The following RPTOR variants were observed in gnomAD, a reference collection of about 807,000 sequenced individuals.
RPTOR encodes the protein regulatory associated protein of MTOR complex 1.
Under a neutral mutation model 169.9 loss-of-function variants are expected in RPTOR, and 21 were observed. That is an observed-to-expected ratio of 0.12 (90% CI 0.09 to 0.18). The LOEUF (loss-of-function observed/expected upper bound fraction) is 0.18, where lower values mean the gene tolerates loss of function less well. RPTOR is among the 10% of genes least tolerant of loss of function. The pLI, the probability that RPTOR is intolerant of heterozygous loss-of-function variation, is 1.00. For missense variants in RPTOR, 1,133 were observed against 1,855.9 expected, an observed-to-expected ratio of 0.61 and a Z score of 7.16; for synonymous variants, 732 against 753.2, an observed-to-expected ratio of 0.97 and a Z score of 0.46.
At chr17:80,912,267 G>T (rs2068622302) in intron 21 of RPTOR, among the ~76,000 whole-genome samples, 1 of 152,138 alleles carries the variant, frequency 6.6e-6, no homozygotes, top group African/African-American at 2.4e-5. Context: ...TCTCTTGGAG[G>T]CACAGGATGG....
intron 6 of RPTOR, among the ~76,000 whole-genome samples, chr17:80,770,553 C>T (rs2066832602): frequency 6.6e-6 from 1 of 152,130 alleles, no homozygotes; most frequent in Non-Finnish European, 1.5e-5. Flanking sequence ...GATGGACATG[C>T]AGGTTCAGGA....
chr17:80,707,619 C>G lies in RPTOR; in HGVS notation c.349-222C>G, dbSNP rs894666628. 6.6e-6 allele frequency among the ~76,000 whole-genome samples: 1 copy of G among 151,894 alleles called. No individual in the cohort carries two copies. The highest frequency in any genetic ancestry group is 2.1e-4 in the South Asian group (1 of 4,804). On this transcript the variant is annotated intron_variant, in intron 3 of 33. Coordinates refer to ENST00000306801, the MANE Select transcript of RPTOR (RefSeq NM_020761.3). The surrounding 1 kb of genome is among the most constrained non-coding windows in gnomAD (Gnocchi z 5.0). ...GCTGCCCAGGCTGATCTTGAGCTCC[C>G]GGGCTCAACCAGTTCTCCCACCTTG...
At chr17:80,687,675 T>C (rs35459747) in intron 3 of RPTOR, among the ~76,000 whole-genome samples, 26,743 of 152,128 alleles carry the variant, frequency 0.18, 3,756 homozygotes, top group African/African-American at 0.39. Flanking sequence ...ACGGAATGGT[T>C]GTCATCGGCT....
At chr17:80,654,091 AG>A (rs1230393097) in intron 3 of RPTOR, among the ~76,000 whole-genome samples, 2 of 152,232 alleles carry the variant, frequency 1.3e-5, no homozygotes, top group African/African-American at 4.8e-5. Flanking sequence ...TGCCAGGCTC[AG>A]GTGGTGCCGT....
At chr17:80,555,309 A>C (rs112715274) in intron 1 of RPTOR, among the ~76,000 whole-genome samples, 2,521 of 152,250 alleles carry the variant, frequency 0.017, 83 homozygotes, top group African/African-American at 0.058. Context: ...GTTTGTGAAG[A>C]GCCTGTGTGA....
rs1170248571 is a variant in RPTOR at position 80,726,713 on chromosome 17, G to T, written c.508-3847G>T. 6.6e-6 allele frequency among the ~76,000 whole-genome samples: 1 copy of T among 152,114 alleles called. No homozygotes were observed. Among genetic ancestry groups the T allele is most frequent in the African/African-American group, 2.4e-5 (1 of 41,412 alleles). ...TAGGGTCAGGTGGCTGTAGGGTCAG[G>T]GCTGGGCAAGTTGTATTCAGATGCT... On this transcript the variant is annotated intron_variant, in intron 4 of 33. Coordinates refer to ENST00000306801, the MANE Select transcript of RPTOR (RefSeq NM_020761.3). This position sits in a 1 kb window ranked among gnomAD's most constrained non-coding sequence, Gnocchi z 4.5.
chr17:80,729,732 C>T (rs1417158500), intron 4 of RPTOR, among the ~76,000 whole-genome samples: 1 of 152,204 alleles, frequency 6.6e-6, no homozygotes, highest in African/African-American at 2.4e-5. Flanking sequence ...TTAGAGCTCC[C>T]CTCCCTTGTA....
At chr17:80,868,553 T>C (rs938596668) in intron 13 of RPTOR, among the ~76,000 whole-genome samples, 1 of 152,216 alleles carries the variant, frequency 6.6e-6, no homozygotes, top group Non-Finnish European at 1.5e-5. Flanking sequence ...ACTACCACTT[T>C]GCAAACTTAT....
Position 80,625,732 on chromosome 17 carries a change from T to G in RPTOR, c.204T>G (p.Val68=), listed in dbSNP as rs776298811. 6.2e-7 allele frequency: 1 copy of G among 1,613,732 alleles called. No individual in the cohort carries two copies. Among genetic ancestry groups the G allele is most frequent in the South Asian group, 1.1e-5 (1 of 91,070 alleles). ...VSVALVLCLN[V]GVDPPDVVKT... ...TTGCCTTAGTTTTGTGCCTGAATGT[T>G]GGTGTGGACCCTCCCGATGTGGTGA... The change falls in exon 2 of 34, where the codon GTT becomes GTG. Residue 68 remains valine (V), a synonymous_variant. Coordinates refer to ENST00000306801, the MANE Select transcript of RPTOR (RefSeq NM_020761.3).
intron 7 of RPTOR, among the ~76,000 whole-genome samples, chr17:80,809,087 A>G (rs1359551704): frequency 6.6e-6 from 1 of 152,200 alleles, no homozygotes; most frequent in Admixed American, 6.5e-5. Context: ...AAATTGTCCA[A>G]CTGTTTTCCA....
rs113038149 is a variant in RPTOR at position 80,566,041 on chromosome 17, A to C, written c.162+20250A>C. ...ACTTGAAGAATTGAAGAGGCAACATAGTTTTTATCTAAGAGAATGGGATTT... is the reference window on the plus strand; with the variant it reads ...ACTTGAAGAATTGAAGAGGCAACATCGTTTTTATCTAAGAGAATGGGATTT... On this transcript the variant is annotated intron_variant, in intron 1 of 33. Transcript: ENST00000306801. 8.6e-3 allele frequency among the ~76,000 whole-genome samples: 1,317 copies of C among 152,332 alleles called. 12 individuals carry two copies. Among genetic ancestry groups the C allele is most frequent in the Non-Finnish European group, 0.015 (999 of 68,044 alleles).
intron 6 of RPTOR, among the ~76,000 whole-genome samples, chr17:80,770,628 T>A (rs1361089056): frequency 6.6e-6 from 1 of 152,174 alleles, no homozygotes; most frequent in Non-Finnish European, 1.5e-5. Flanking sequence ...TGTGAACACA[T>A]CTTCTCTGTT....
intron 1 of RPTOR, among the ~76,000 whole-genome samples, chr17:80,608,605 G>A (rs1036161758): frequency 3.3e-5 from 5 of 152,214 alleles, no homozygotes; most frequent in Admixed American, 2.6e-4. Flanking sequence ...ATGGAAGTGT[G>A]TGGGGACGTG....
At chr17:80,955,300 C>T (rs1433569614) in intron 28 of RPTOR, among the ~76,000 whole-genome samples, 2 of 152,184 alleles carry the variant, frequency 1.3e-5, no homozygotes, top group South Asian at 2.1e-4. Flanking sequence ...CCAGAAGGGC[C>T]GCAAGTGGCA....
intron 3 of RPTOR, among the ~76,000 whole-genome samples, chr17:80,676,969 G>A (rs977331360): frequency 6.6e-6 from 1 of 152,106 alleles, no homozygotes; most frequent in Admixed American, 6.5e-5. Context: ...GGTAGATCCC[G>A]GAAACCCAAA....
intron 24 of RPTOR, among the ~76,000 whole-genome samples, chr17:80,937,431 A>G (rs1408105435): frequency 2.0e-5 from 3 of 152,096 alleles, no homozygotes; most frequent in African/African-American, 7.2e-5. Context: ...GGAACCTCTA[A>G]TCTCCCTTTA....
chr17:80,588,803 T>C (rs2065082558), intron 1 of RPTOR, among the ~76,000 whole-genome samples: 1 of 152,240 alleles, frequency 6.6e-6, no homozygotes, highest in South Asian at 2.1e-4. Context: ...TAACGTCCTT[T>C]TAAAATGTGT....
At chr17:80,743,692 C>CTGTCCTGGTTACTAGCAG (rs1173056008) in intron 5 of RPTOR, among the ~76,000 whole-genome samples, 1 of 137,056 alleles carries the variant, frequency 7.3e-6, no homozygotes, top group Non-Finnish European at 1.6e-5. Flanking sequence ...GCTACTAGCA[C>CTGTCCTGGTTACTAGCAG]AGCCCTGGCT....
At chr17:80,838,317 T>C in intron 10 of RPTOR, among the ~76,000 whole-genome samples, 1 of 152,100 alleles carries the variant, frequency 6.6e-6, no homozygotes, top group East Asian at 1.9e-4. Flanking sequence ...CACAGACGCG[T>C]TGTGGATCTC....
Sources: gnomAD v4.1 joint callset for allele counts (sites outside exome capture counted in the v4.1 genomes callset) on GRCh38, gnomAD v4.1.1 for gene constraint, Gnocchi (gnomAD v3.1) non-coding constraint, MANE v1.5 for transcripts, NCBI Gene and HGNC (gene_info 2026-07-23, HGNC 2026-07-21) for gene names.